Variants in WDFY3 observed in about 807,000 individuals in gnomAD.
WDFY3 encodes the protein WD repeat and FYVE domain containing 3.
A neutral mutation model predicts 409.6 loss-of-function variants in WDFY3; 66 were observed. That is an observed-to-expected ratio of 0.16 (90% CI 0.13 to 0.20). WDFY3 has a LOEUF of 0.20. Among genes scored for constraint, WDFY3 ranks in the 10% least tolerant of loss-of-function variants. The pLI is 1.00. For synonymous variants in WDFY3, 1,521 were observed against 1,537.1 expected (o/e 0.99, Z 0.25); for missense variants, 3,031 against 4,298.1 (o/e 0.71, Z 8.24).
intron 2 of WDFY3, among the ~76,000 whole-genome samples, chr4:84,920,925 T>A (rs1256542020): frequency 6.6e-6 from 1 of 152,122 alleles, no homozygotes; most frequent in Non-Finnish European, 1.5e-5. Flanking sequence ...CTACTACTGA[T>A]CACCGTTCCT....
chr4:84,955,843 G>T (rs1309359117), intron 1 of WDFY3, among the ~76,000 whole-genome samples: 3 of 152,028 alleles, frequency 2.0e-5, no homozygotes, highest in Non-Finnish European at 4.4e-5. Context: ...TCTATTTAAA[G>T]TGTTGAATCC....
chr4:84,802,001 G>A, intron 16 of WDFY3, 137 bp from the exon 17 acceptor site: 1 of 803,296 alleles, frequency 1.2e-6, no homozygotes, highest in Admixed American at 2.7e-5. Context: ...AGGCTGGAGT[G>A]CAATGGTGTG....
At chr4:84,850,926 CTGTTTTTTTTTT>C (rs1758853708) in intron 4 of WDFY3, among the ~76,000 whole-genome samples, 3 of 32,148 alleles carry the variant, frequency 9.3e-5, no homozygotes, top group African/African-American at 2.4e-4. Context: ...TTTTATTTAT[CTGTTTTTTTTTT>C]TTTTTTTTTT....
At chr4:84,933,028 T>C (rs983446308) in intron 1 of WDFY3, among the ~76,000 whole-genome samples, 1 of 152,190 alleles carries the variant, frequency 6.6e-6, no homozygotes, top group African/African-American at 2.4e-5. Flanking sequence ...TTCTATAGTG[T>C]AGTCAAACAC....
intron 29 of WDFY3, 32 bp downstream of exon 29, chr4:84,774,788 T>C (rs754928287): frequency 1.3e-6 from 2 of 1,568,048 alleles, no homozygotes; most frequent in Non-Finnish European, 1.7e-6. Context: ...TTTTAGTTAA[T>C]AAAAAGACAA....
chr4:84,940,647 T>A (rs1204315245), intron 1 of WDFY3, among the ~76,000 whole-genome samples: 1 of 151,978 alleles, frequency 6.6e-6, no homozygotes, highest in African/African-American at 2.4e-5. Flanking sequence ...CAATCCAGAT[T>A]GAAGAAAGCT....
intron 5 of WDFY3, among the ~76,000 whole-genome samples, chr4:84,844,985 C>T (rs1007209824): frequency 6.6e-6 from 1 of 152,182 alleles, no homozygotes; most frequent in Admixed American, 6.5e-5. Context: ...TCCATGTATC[C>T]ATTTTGCAAC....
chr4:84,789,993 T>A (rs1578527627), intron 21 of WDFY3, 86 bp from the exon 22 acceptor site: 2 of 1,382,240 alleles, frequency 1.4e-6, no homozygotes, highest in Non-Finnish European at 2.0e-6. Context: ...ATGTTTTGAC[T>A]TTATGTTAAA....
chr4:84,735,240 A>T, intron 42 of WDFY3, 120 bp from the exon 43 acceptor site: 1 of 848,988 alleles, frequency 1.2e-6, no homozygotes, highest in Non-Finnish European at 1.8e-6. Context: ...ACCAAAACAG[A>T]AAACTAAAAC....
In WDFY3 at chr4:84,709,360, C is replaced by T. The variant is rs1457167922; in HGVS notation, c.8043-13G>A. 5.7e-6 allele frequency: 9 copies of T among 1,586,380 alleles called. No individual in the cohort carries two copies. Among genetic ancestry groups the T allele is most frequent in the Middle Eastern group, 1.7e-4 (1 of 5,952 alleles). On this transcript the variant is annotated splice_polypyrimidine_tract_variant and intron_variant, in intron 51 of 67. Transcript: ENST00000295888. ...AAGTAACCCAGATCTAAAAGCAATA[C>T]ATAATACAATAAATTACAAGCAATA...
At chr4:84,769,572 G>C (rs943210306) in intron 30 of WDFY3, among the ~76,000 whole-genome samples, 2 of 151,904 alleles carry the variant, frequency 1.3e-5, no homozygotes, top group African/African-American at 4.8e-5. Context: ...CTGCCACCAT[G>C]CCCGGCTAAT....
At chr4:84,866,293 C>T (rs539638006) in intron 3 of WDFY3, among the ~76,000 whole-genome samples, 59 of 152,186 alleles carry the variant, frequency 3.9e-4, no homozygotes, top group African/African-American at 1.4e-3. Flanking sequence ...GTGTTGACTT[C>T]GTAAAGATGA....
At chr4:84,766,760 C>G (rs1743718546) in intron 30 of WDFY3, among the ~76,000 whole-genome samples, 1 of 152,034 alleles carries the variant, frequency 6.6e-6, no homozygotes, top group Non-Finnish European at 1.5e-5. Flanking sequence ...TTAATTCTAC[C>G]AGATTTAAAA....
intron 2 of WDFY3, among the ~76,000 whole-genome samples, chr4:84,927,256 T>A (rs1184538598): frequency 6.6e-6 from 1 of 152,178 alleles, no homozygotes; most frequent in Non-Finnish European, 1.5e-5. Flanking sequence ...AACAACCTTT[T>A]CTCCATGAAC....
intron 2 of WDFY3, among the ~76,000 whole-genome samples, chr4:84,915,324 A>G (rs1456742818): frequency 6.6e-6 from 1 of 152,186 alleles, no homozygotes; most frequent in Non-Finnish European, 1.5e-5. Flanking sequence ...TAAAATGGTC[A>G]TTTTTAGGTA....
chr4:84,798,574 C>A (rs1749921719), intron 17 of WDFY3, among the ~76,000 whole-genome samples: 5 of 152,134 alleles, frequency 3.3e-5, no homozygotes, highest in Non-Finnish European at 7.4e-5. Context: ...CACCTTATAT[C>A]CAAACCCAGG....
At chr4:84,957,078 T>G (rs1410731787) in intron 1 of WDFY3, among the ~76,000 whole-genome samples, 1 of 151,550 alleles carries the variant, frequency 6.6e-6, no homozygotes, top group Non-Finnish European at 1.5e-5. Context: ...TATTTAATAG[T>G]GAGACCACTT....
In WDFY3 at chr4:84,868,694, A is replaced by G. The variant is rs560182115; in HGVS notation, c.-31-8072T>C. Among the ~76,000 whole-genome samples, 4 of 152,324 alleles carry G rather than the reference A, an allele frequency of 2.6e-5. No individual in the cohort carries two copies. In the South Asian group the frequency reaches 8.3e-4, roughly 32 times the overall value. Reference sequence around the variant, plus strand: ...ATATTTCACTTACATAAAATTTACAACAGCAACTGTTGAAATCTCCCTGCT... The same window carrying G: ...ATATTTCACTTACATAAAATTTACAGCAGCAACTGTTGAAATCTCCCTGCT... On this transcript the variant is annotated intron_variant, in intron 3 of 67. Transcript: ENST00000295888.
intron 1 of WDFY3, among the ~76,000 whole-genome samples, chr4:84,937,974 T>C (rs1771643890): frequency 6.6e-6 from 1 of 152,278 alleles, no homozygotes; most frequent in Admixed American, 6.5e-5. Context: ...ATTTAATTTA[T>C]AAATTAGGCA....
Sources: allele counts gnomAD v4.1 joint callset (sites outside exome capture counted in the v4.1 genomes callset), GRCh38; gene constraint gnomAD v4.1.1; transcripts MANE v1.5; gene names NCBI Gene and HGNC (gene_info 2026-07-23, HGNC 2026-07-21).